Variants in CCDC88A observed in about 807,000 individuals in gnomAD.
CCDC88A encodes the protein coiled-coil and HOOK domain protein 88A.
CCDC88A carries 54 observed loss-of-function variants against 234.3 expected under a neutral mutation model. The observed-to-expected ratio is 0.23, with a 90% CI of 0.19 to 0.29. CCDC88A has a LOEUF of 0.29. Ranked by LOEUF, CCDC88A falls within the 10% of genes least tolerant of loss-of-function variation. CCDC88A has a pLI of 1.00. For missense variants in CCDC88A, 1,832 were observed against 2,123.4 expected (o/e 0.86, Z 2.70); for synonymous variants, 753 against 737.8 (o/e 1.02, Z -0.33).
At position 55,332,288 on chromosome 2, in the gene CCDC88A, T is replaced by C; in HGVS notation, c.2855+278A>G. The C allele has an allele frequency of 5.2e-6, 1 of 192,064 alleles. No individual in the cohort carries two copies. Among genetic ancestry groups the C allele is most frequent in the South Asian group, 1.4e-4 (1 of 7,272 alleles). 11.9% of individuals were successfully genotyped at this position (192,064 alleles called of 1,614,324 possible). The stretch of plus-strand genomic sequence containing the variant: ...CATGCACCACCATGCCCAGCTAATT[T>C]TTTTTGTATTTTTAGTAAAGACAGG... On this transcript the variant is annotated intron_variant, in intron 16 of 32. Coordinates refer to ENST00000436346, the MANE Select transcript of CCDC88A (RefSeq NM_001365480.1). The surrounding 1 kb of genome is among the most constrained non-coding windows in gnomAD (Gnocchi z 4.5).
At chr2:55,370,168 T>C (rs1033934990) in intron 5 of CCDC88A, among the ~76,000 whole-genome samples, 1 of 152,154 alleles carries the variant, frequency 6.6e-6, no homozygotes, top group Non-Finnish European at 1.5e-5. Flanking sequence ...AAAATATATA[T>C]AAAGATGGGT....
chr2:55,370,704 C>A (rs1312211238), intron 5 of CCDC88A, among the ~76,000 whole-genome samples: 1 of 144,058 alleles, frequency 6.9e-6, no homozygotes, highest in Non-Finnish European at 1.5e-5. Context: ...TTTCTTTATT[C>A]TCAGATAAAT....
At chr2:55,323,010 G>A (rs2576702) in intron 17 of CCDC88A, 160,222 of 177,898 alleles carry the variant, frequency 0.9, 72,893 homozygotes, top group East Asian at 0.97. Context: ...TCTATAACCA[G>A]GTTAGAAATT....
At position 55,301,916 on chromosome 2, in the gene CCDC88A, T is replaced by A. The variant is rs778719455; in HGVS notation, c.4628A>T (p.Asn1543Ile). ...CTTGGATCTGAAGCCTGCAGAAGAG[T>A]TGACAGTTGAAAAGTTGATGGCTGT... ...STTAINFSTV[N>I]SSAGFRSKQL... The change falls in exon 27 of 33, where the codon AAC becomes ATC. Residue 1543 changes from asparagine (N) to isoleucine (I), a missense_variant. By Grantham distance (149) the Asn-to-Ile change is moderately radical (BLOSUM62 -3). Transcript: ENST00000436346. 1 of 1,614,024 alleles carries A rather than the reference T, an allele frequency of 6.2e-7. No individual in the cohort carries two copies. Among genetic ancestry groups the A allele is most frequent in the Admixed American group, 1.7e-5 (1 of 59,998 alleles).
chr2:55,317,396 ATT>A lies in CCDC88A; in HGVS notation c.3603-49_3603-48del. ...GGTTTATAATATTTACAAAAAAGAA[ATT>A]TTAGAAATGAAGGAAATGAGTAATG... is the stretch of plus-strand genomic sequence containing the variant. On this transcript the variant is annotated intron_variant, in intron 20 of 32. Transcript: ENST00000436346. The surrounding 1 kb of genome is among the most constrained non-coding windows in gnomAD (Gnocchi z 4.2). 7.4e-7 allele frequency: 1 copy of A among 1,358,744 alleles called. No individual in the cohort carries two copies. The highest frequency in any genetic ancestry group is 9.7e-7 in the Non-Finnish European group (1 of 1,026,538). The allele number at this position is 1,358,744 out of a possible 1,614,324, so 84.2% of individuals were successfully genotyped here. A position where few individuals can be genotyped will look rare whatever the true frequency, so the allele number is the denominator to read the frequency against.
intron 12 of CCDC88A, among the ~76,000 whole-genome samples, chr2:55,340,910 A>G (rs1034247000): frequency 6.6e-6 from 1 of 152,082 alleles, no homozygotes; most frequent in Non-Finnish European, 1.5e-5. Flanking sequence ...TCTTAAACTT[A>G]TTCTCATCTA....
rs750868427 is a variant in CCDC88A at position 55,372,440 on chromosome 2, A to AT, written c.402+11dup. The AT allele has an allele frequency of 1.5e-6, 2 of 1,371,400 alleles. No individual in the cohort carries two copies. The highest frequency in any genetic ancestry group is 2.3e-5 in the East Asian group (1 of 43,384). The allele number at this position is 1,371,400 out of a possible 1,614,324, so 85.0% of individuals were successfully genotyped here. On this transcript the variant is annotated intron_variant, in intron 5 of 32. Coordinates refer to ENST00000436346, the MANE Select transcript of CCDC88A (RefSeq NM_001365480.1). The stretch of plus-strand genomic sequence containing the variant: ...TGTTAAAATGAAAATATGAAAAAAT[A>AT]TTTTAACTTACCTGAACTGCACAAC...
intron 3 of CCDC88A, among the ~76,000 whole-genome samples, chr2:55,380,189 T>A (rs893756278): frequency 2.6e-5 from 4 of 151,230 alleles, no homozygotes; most frequent in Non-Finnish European, 5.9e-5. Flanking sequence ...TGAGCCAAGA[T>A]TGCACCACTG....
intron 31 of CCDC88A, chr2:55,294,785 T>C (rs1232118445): frequency 3.5e-5 from 35 of 1,008,386 alleles, no homozygotes; most frequent in Non-Finnish European, 3.8e-5. Flanking sequence ...AACAATCTTA[T>C]CAGGCAACAA....
At chr2:55,416,701 T>C (rs547991781) in intron 2 of CCDC88A, among the ~76,000 whole-genome samples, 1 of 151,440 alleles carries the variant, frequency 6.6e-6, no homozygotes, top group Admixed American at 6.6e-5. Context: ...TTACTAGGTA[T>C]AGAGTTACAA....
chr2:55,418,901 G>A lies in CCDC88A; in HGVS notation c.79C>T (p.Pro27Ser), dbSNP rs763787555. The A allele has an allele frequency of 2.0e-5, 32 of 1,613,842 alleles. No individual in the cohort carries two copies. Among genetic ancestry groups the A allele is most frequent in the African/African-American group, 2.7e-5 (2 of 74,888 alleles). ...PLVTWVKTFG[P>S]LAAGNGTNLD... ...TTGGTCCCATTTCCTGCGGCCAGAG[G>A]TCCAAACGTTTTAACCTAGAACAAA... Residue 27 changes from proline (P) to serine (S), a missense_variant, in exon 2 of 33, where the codon CCT (proline) becomes TCT (serine). By Grantham distance (74) the Pro-to-Ser change is moderately conservative (BLOSUM62 -1). Transcript: ENST00000436346.
At position 55,303,156 on chromosome 2, in the gene CCDC88A, T is replaced by A; in HGVS notation, c.4388-4A>T. Reference sequence around the variant, plus strand: ...GGCAGTCTTTTCAGTGCAACCACTTTAATGTCAGAGCATGAGGAAAAACAG... The same window carrying A: ...GGCAGTCTTTTCAGTGCAACCACTTAAATGTCAGAGCATGAGGAAAAACAG... On this transcript the variant is annotated splice_region_variant and splice_polypyrimidine_tract_variant and intron_variant, in intron 25 of 32. Coordinates refer to ENST00000436346, the MANE Select transcript of CCDC88A (RefSeq NM_001365480.1). 6.5e-7 allele frequency: 1 copy of A among 1,539,494 alleles called. No homozygotes were observed. Among genetic ancestry groups the A allele is most frequent in the African/African-American group, 1.4e-5 (1 of 72,912 alleles).
At chr2:55,376,331 A>T (rs1177922979) in intron 3 of CCDC88A, among the ~76,000 whole-genome samples, 1 of 152,210 alleles carries the variant, frequency 6.6e-6, no homozygotes, top group East Asian at 1.9e-4. Flanking sequence ...GCTGAGGAAT[A>T]CGTTTTTGAA....
intron 8 of CCDC88A, among the ~76,000 whole-genome samples, chr2:55,351,827 T>C (rs768892637): frequency 6.6e-6 from 1 of 152,168 alleles, no homozygotes; most frequent in Non-Finnish European, 1.5e-5. Flanking sequence ...TTCAAATGCC[T>C]GTCAACCAAA....
rs534370531 is a variant in CCDC88A, at chr2:55,417,827, T to C, written c.164+989A>G. On this transcript the variant is annotated intron_variant, in intron 2 of 32. Transcript: ENST00000436346. ...GGTTATCAGAGCAGAATGGTAGACTTATTCTCTAGTAACAACTATTTATTG... is the reference window on the plus strand; with the variant it reads ...GGTTATCAGAGCAGAATGGTAGACTCATTCTCTAGTAACAACTATTTATTG... 7.9e-5 allele frequency: 12 copies of C among 152,206 alleles called. No individual in the cohort carries two copies. The South Asian group carries it at 2.5e-3, about 32-fold the overall frequency. The allele number at this position is 152,206 out of a possible 1,614,324, so 9.4% of individuals were successfully genotyped here.
intron 9 of CCDC88A, chr2:55,348,750 C>T (rs111252365): frequency 1.3e-5 from 2 of 152,280 alleles, no homozygotes; most frequent in Admixed American, 1.3e-4. Context: ...AGAACCAACA[C>T]ACGTAAAAAA....
intron 2 of CCDC88A, chr2:55,404,368 T>C (rs745915988): frequency 1.1e-4 from 17 of 152,202 alleles, no homozygotes; most frequent in Middle Eastern, 3.2e-3. Flanking sequence ...TAAATTTCTA[T>C]TAGTGAGAGT....
chr2:55,412,844 C>T (rs6545492), intron 2 of CCDC88A, among the ~76,000 whole-genome samples: 124,917 of 152,174 alleles, frequency 0.82, 52,045 homozygotes, highest in Admixed American at 0.91. Context: ...ATCCCACTTA[C>T]AAATTAAGTA....
chr2:55,295,914 T>C lies in CCDC88A; in HGVS notation c.5234A>G (p.Asp1745Gly), dbSNP rs1679976694. 4 of 1,614,176 alleles carry C rather than the reference T, an allele frequency of 2.5e-6. No homozygotes were observed. The highest frequency in any genetic ancestry group is 1.1e-5 in the South Asian group (1 of 91,086). Residue 1745 changes from aspartate to glycine, a missense_variant, in exon 31 of 33, where the codon GAT becomes GGT. Transcript: ENST00000436346. Reference sequence around the variant, plus strand: ...AAACTCAGGCTTAGTTGTCCGTCTATCATAGAAGTCCCCTGGGGTTTTTCC... The same window carrying C: ...AAACTCAGGCTTAGTTGTCCGTCTACCATAGAAGTCCCCTGGGGTTTTTCC... ...VSGKTPGDFY[D>G]RRTTKPEFLR...
Sources: allele counts gnomAD v4.1 joint callset (sites outside exome capture counted in the v4.1 genomes callset), GRCh38; gene constraint gnomAD v4.1.1; non-coding constraint Gnocchi (gnomAD v3.1); transcripts MANE v1.5; gene names NCBI Gene and HGNC (gene_info 2026-07-23, HGNC 2026-07-21).